Variants in SIPA1 observed in about 807,000 individuals in gnomAD.
The protein encoded by SIPA1 is signal-induced proliferation-associated 1.
A neutral mutation model predicts 88.1 loss-of-function variants in SIPA1; 51 were observed. That is an observed-to-expected ratio of 0.58 (90% CI 0.46 to 0.73). The LOEUF (loss-of-function observed/expected upper bound fraction) is 0.73. Among genes scored for constraint, SIPA1 ranks in the 30% least tolerant of loss-of-function variants. SIPA1 has a pLI of 0.00. For missense variants in SIPA1, 1,348 were observed against 1,467.6 expected (o/e 0.92, Z 1.33); for synonymous variants, 681 against 664.8 (o/e 1.02, Z -0.37).
rs779327985 is a variant in SIPA1 at position 65,649,817 on chromosome 11, G to T, written c.2698G>T (p.Ala900Ser). 11 of 1,614,122 alleles carry T rather than the reference G, an allele frequency of 6.8e-6. No individual in the cohort carries two copies. In the East Asian group the frequency reaches 2.0e-4, roughly 29 times the overall value. Reference protein sequence around the residue: ...DKGNPAPELRASFLPRTLSLR... With the variant: ...DKGNPAPELRSSFLPRTLSLR... ...GGGCAACCCGGCGCCGGAGCTGAGGGCCTCCTTTCTGCCACGTACCTTGTC... is the reference window on the plus strand; with the variant it reads ...GGGCAACCCGGCGCCGGAGCTGAGGTCCTCCTTTCTGCCACGTACCTTGTC... The change falls in exon 12 of 16, where the codon GCC becomes TCC. Residue 900 changes from alanine to serine, a missense_variant. Ala to Ser is a moderately conservative substitution (Grantham distance 99). Transcript: ENST00000534313.
intron 9 of SIPA1, among the ~76,000 whole-genome samples, chr11:65,648,650 A>G (rs990700044): frequency 2.0e-5 from 3 of 152,014 alleles, no homozygotes; most frequent in Non-Finnish European, 2.9e-5. Flanking sequence ...CCTGGCCAAC[A>G]TGCTGAAACC....
At chr11:65,644,860 C>A in intron 4 of SIPA1, 95 bp from the exon 5 acceptor site, 1 of 1,319,352 alleles carries the variant, frequency 7.6e-7, no homozygotes, top group Non-Finnish European at 1.1e-6. Flanking sequence ...AGGGCTGGTG[C>A]TCAGCCCCAG....
chr11:65,640,657 G>A, intron 1 of SIPA1, 174 bp from the exon 2 acceptor site: 1 of 444,780 alleles, frequency 2.2e-6, no homozygotes. Flanking sequence ...CTAAGCTGGG[G>A]AGGGGGCTGG....
rs780511683 is a variant in SIPA1 at position 65,650,596 on chromosome 11, G to T, written c.3010G>T (p.Glu1004Ter). Residue 1004 changes from glutamate (E) to a stop codon, truncating the protein, a stop_gained, in exon 16 of 16, where the codon GAG becomes TAG. Coordinates refer to ENST00000534313, the MANE Select transcript of SIPA1 (RefSeq NM_006747.4). LOFTEE classifies it high-confidence loss of function. ...KEKADRAALE[E>*]EVRSLRHNNR... ...GAAGGCGGACAGGGCGGCCCTGGAG[G>T]AGGAGGTGCGGAGCCTGAGACACAA... is the stretch of plus-strand genomic sequence containing the variant. The T allele has an allele frequency of 2.5e-6, 4 of 1,591,532 alleles. No individual in the cohort carries two copies. The highest frequency in any genetic ancestry group is 3.4e-6 in the Non-Finnish European group (4 of 1,168,786).
chr11:65,650,890 G>A lies in SIPA1; in HGVS notation c.*175G>A. The A allele has an allele frequency of 1.4e-6, 1 of 696,800 alleles. No homozygotes were observed. Among genetic ancestry groups the A allele is most frequent in the East Asian group, 2.8e-5 (1 of 35,912 alleles). The allele number at this position is 696,800 out of a possible 1,614,324, so 43.2% of individuals were successfully genotyped here. A position where few individuals can be genotyped will look rare whatever the true frequency, so the allele number is the denominator to read the frequency against. On this transcript the variant is annotated 3_prime_UTR_variant, in exon 16 of 16. Transcript: ENST00000534313. ...TGTAAATATTCTGTGGAGAAAAGAG[G>A]ACTTCAGGGAGTAAAAAAGCCACTG...
At chr11:65,638,760 G>A (rs536153983) in intron 1 of SIPA1, among the ~76,000 whole-genome samples, 10 of 152,220 alleles carry the variant, frequency 6.6e-5, no homozygotes, top group Non-Finnish European at 1.3e-4. Flanking sequence ...CCTGTGTGAA[G>A]CTTCAGGGTG....
rs1243693385 is a variant in SIPA1, at chr11:65,650,382, T to G, written c.2904-19T>G. On this transcript the variant is annotated intron_variant, in intron 14 of 15. Coordinates refer to ENST00000534313, the MANE Select transcript of SIPA1 (RefSeq NM_006747.4). Reference sequence around the variant, plus strand: ...CCCCCTGCCTTGGTCCTGCTGAGTCTTGACCCCCATGTCTTCAGGCCAGAG... The same window carrying G: ...CCCCCTGCCTTGGTCCTGCTGAGTCGTGACCCCCATGTCTTCAGGCCAGAG... 8 of 1,613,482 alleles carry G rather than the reference T, an allele frequency of 5.0e-6. No individual in the cohort carries two copies. Among genetic ancestry groups the G allele is most frequent in the Non-Finnish European group, 5.9e-6 (7 of 1,179,414 alleles).
Position 65,647,428 on chromosome 11 carries a change from C to A in SIPA1, c.2076C>A (p.Arg692=). 6.8e-7 allele frequency: 1 copy of A among 1,478,412 alleles called. No homozygotes were observed. Among genetic ancestry groups the A allele is most frequent in the Non-Finnish European group, 8.9e-7 (1 of 1,122,052 alleles). 91.6% of individuals were successfully genotyped at this position (1,478,412 alleles called of 1,614,324 possible). Residue 692 remains arginine (R), a synonymous_variant, in exon 9 of 16, where the codon CGC becomes CGA. Transcript: ENST00000534313. Reference sequence around the variant, plus strand: ...AGACCCGCGAGCTGGCGCTGCCCCGCGACGGTCAAGGCCGCCTGGGCTTCG... The same window carrying A: ...AGACCCGCGAGCTGGCGCTGCCCCGAGACGGTCAAGGCCGCCTGGGCTTCG... ...GCETRELALP[R]DGQGRLGFEV...
In SIPA1 at chr11:65,647,649, G is replaced by C; in HGVS notation, c.2297G>C (p.Arg766Pro). 2 of 1,368,400 alleles carry C rather than the reference G, an allele frequency of 1.5e-6. No homozygotes were observed. The highest frequency in any genetic ancestry group is 1.9e-6 in the Non-Finnish European group (2 of 1,063,384). 84.8% of individuals were successfully genotyped at this position (1,368,400 alleles called of 1,614,324 possible). Residue 766 changes from arginine (R) to proline (P), a missense_variant, in exon 9 of 16, where the codon CGG becomes CCG. Around this residue, in one of 4 missense-constraint regions of SIPA1, gnomAD observed 615 missense variants for 559.8 expected, o/e 1.10. Transcript: ENST00000534313. ...VTVLPPDESGRPRRSFSELYT... is the reference protein window; with the variant it reads ...VTVLPPDESGPPRRSFSELYT... ...GTCCTGCCCCCCGACGAGAGCGGCC[G>C]GCCCCGCAGGTCAGGGTGCCGGGGA...
chr11:65,638,374 C>G (rs1048599701), intron 1 of SIPA1, 192 bp downstream of exon 1: 1 of 148,780 alleles, frequency 6.7e-6, no homozygotes, highest in Non-Finnish European at 1.5e-5. Flanking sequence ...CTCTGACCAG[C>G]CGTTCCTACT....
intron 9 of SIPA1, among the ~76,000 whole-genome samples, chr11:65,648,591 T>C (rs1020781576): frequency 6.6e-6 from 1 of 152,112 alleles, no homozygotes; most frequent in African/African-American, 2.4e-5. Flanking sequence ...CCCAGCACTT[T>C]GGGAGGCTGA....
chr11:65,650,198 C>T lies in SIPA1; in HGVS notation c.2903+6C>T, dbSNP rs761197707. ...ACTCCAAAATCTGATGCTGAGTAAGCTCCCCAACTCCCCACAGCCGCTTTA... is the reference window on the plus strand; with the variant it reads ...ACTCCAAAATCTGATGCTGAGTAAGTTCCCCAACTCCCCACAGCCGCTTTA... On this transcript the variant is annotated splice_donor_region_variant and intron_variant, in intron 14 of 15. Coordinates refer to ENST00000534313, the MANE Select transcript of SIPA1 (RefSeq NM_006747.4). 6.2e-7 allele frequency: 1 copy of T among 1,613,934 alleles called. No individual in the cohort carries two copies. The highest frequency in any genetic ancestry group is 1.3e-5 in the African/African-American group (1 of 75,014).
rs1049736034 is a variant in SIPA1 at position 65,650,556 on chromosome 11, C to CCCGG, written c.2983-11_2983-8dup. On this transcript the variant is annotated splice_polypyrimidine_tract_variant and intron_variant, in intron 15 of 15. Transcript: ENST00000534313. ...GGCTGGCGGCTCTGACTCCTGTCTC[C>CCCGG]CCGGCACCCCAGGAGAAGGCGGACA... 2.5e-6 allele frequency: 4 copies of CCCGG among 1,608,846 alleles called. No homozygotes were observed. Among genetic ancestry groups the CCCGG allele is most frequent in the Middle Eastern group, 1.7e-4 (1 of 6,054 alleles).
intron 4 of SIPA1, among the ~76,000 whole-genome samples, chr11:65,644,123 A>G (rs1856060858): frequency 6.6e-6 from 1 of 151,582 alleles, no homozygotes; most frequent in African/African-American, 2.4e-5. Context: ...GAGGAGGAGC[A>G]GGGTGGGGGA....
At position 65,641,138 on chromosome 11, in the gene SIPA1, C is replaced by G; in HGVS notation, c.217C>G (p.His73Asp). 2 of 1,604,198 alleles carry G rather than the reference C, an allele frequency of 1.2e-6. No homozygotes were observed. Among genetic ancestry groups the G allele is most frequent in the South Asian group, 2.2e-5 (2 of 91,046 alleles). The change falls in exon 2 of 16, where the codon CAC becomes GAC. Residue 73 changes from histidine (H) to aspartate (D), a missense_variant. Coordinates refer to ENST00000534313, the MANE Select transcript of SIPA1 (RefSeq NM_006747.4). ...GCCAGCCAGCCCCCGTGCCCGTGCC[C>G]ACAGCCACGAAGAGGCCAGCCGACC... ...PTPASPRARA[H>D]SHEEASRPAA...
At chr11:65,648,209 G>A (rs915281458) in intron 9 of SIPA1, among the ~76,000 whole-genome samples, 1 of 152,002 alleles carries the variant, frequency 6.6e-6, no homozygotes, top group African/African-American at 2.4e-5. Context: ...CCAGTTAAGC[G>A]CGTTGCTCCC....
intron 4 of SIPA1, among the ~76,000 whole-genome samples, chr11:65,644,637 C>T (rs1316096765): frequency 6.6e-6 from 1 of 151,690 alleles, no homozygotes; most frequent in Non-Finnish European, 1.5e-5. Context: ...GGTGGGGGTG[C>T]CTTGGATTCA....
In SIPA1 at chr11:65,646,780, G is replaced by T; in HGVS notation, c.1746G>T (p.Val582=). The T allele has an allele frequency of 1.4e-6, 2 of 1,412,676 alleles. No individual in the cohort carries two copies. The highest frequency in any genetic ancestry group is 4.9e-4 in the Middle Eastern group (2 of 4,050). The allele number at this position is 1,412,676 out of a possible 1,614,324, so 87.5% of individuals were successfully genotyped here. The part of the protein sequence containing the change: ...GAELQAAGSL[V]WGVRAAPGAR... ...AGCTGCAGGCAGCGGGCTCACTGGT[G>T]TGGGGAGTGCGCGCGGCGCCCGGGG... Residue 582 remains valine, a synonymous_variant, in exon 8 of 16, where the codon GTG becomes GTT. Transcript: ENST00000534313. This position sits in a 1 kb window ranked among gnomAD's most constrained non-coding sequence, Gnocchi z 7.5.
In SIPA1 at chr11:65,647,531, C is replaced by T; in HGVS notation, c.2179C>T (p.Arg727Cys). Residue 727 changes from arginine to cysteine, a missense_variant, in exon 9 of 16, where the codon CGC (arginine) becomes TGC (cysteine). Coordinates refer to ENST00000534313, the MANE Select transcript of SIPA1 (RefSeq NM_006747.4). ...GACGGCGGGGCTGCGGCCCGGGGCG[C>T]GCCTCCTGCGCGTGTGCGGCCAGAC... The part of the protein sequence containing the change: ...AETAGLRPGA[R>C]LLRVCGQTLP... The T allele has an allele frequency of 4.4e-6, 6 of 1,348,720 alleles. No individual in the cohort carries two copies. The highest frequency in any genetic ancestry group is 5.7e-6 in the Non-Finnish European group (6 of 1,052,790). The allele number at this position is 1,348,720 out of a possible 1,614,324, so 83.5% of individuals were successfully genotyped here.
Sources: gnomAD v4.1 joint callset for allele counts (sites outside exome capture counted in the v4.1 genomes callset) on GRCh38, gnomAD v4.1.1 for gene constraint, gnomAD v4.1.1 regional missense constraint, Gnocchi (gnomAD v3.1) non-coding constraint, MANE v1.5 for transcripts, NCBI Gene and HGNC (gene_info 2026-07-23, HGNC 2026-07-21) for gene names.